Variants in RGL1 observed in about 807,000 individuals in gnomAD.
RGL1 encodes ral guanine nucleotide dissociation stimulator like 1.
Under a neutral mutation model 95.2 loss-of-function variants are expected in RGL1, and 24 were observed. The observed-to-expected ratio is 0.25, with a 90% confidence interval of 0.18 to 0.35. The LOEUF (loss-of-function observed/expected upper bound fraction) is 0.35, where lower values mean the gene tolerates loss of function less well. RGL1 is among the 10% of genes least tolerant of loss of function. The pLI is 1.00. For missense variants in RGL1, 715 were observed against 936.3 expected (o/e 0.76, Z 3.08); for synonymous variants, 329 against 344.9 (o/e 0.95, Z 0.51).
At chr1:183,739,083 G>A (rs892279663) in intron 1 of RGL1, among the ~76,000 whole-genome samples, 4 of 152,212 alleles carry the variant, frequency 2.6e-5, no homozygotes, top group African/African-American at 9.6e-5. Flanking sequence ...ATTAAACCAA[G>A]CATGAGGCTC....
In RGL1 at chr1:183,880,675, C is replaced by T. The variant is rs757558437; in HGVS notation, c.485C>T (p.Pro162Leu). The change falls in exon 5 of 18, where the codon CCC (proline) becomes CTC (leucine). Residue 162 changes from proline to leucine, a missense_variant. Pro to Leu is a moderately conservative substitution (Grantham distance 98). Around this residue, in one of 3 missense-constraint regions of RGL1, gnomAD observed 381 missense variants for 484.8 expected, o/e 0.79. Coordinates refer to ENST00000360851, the MANE Select transcript of RGL1 (RefSeq NM_001297671.3). ...CAGTGTGCAGAAGACTTCCGAGAGC[C>T]CCCTCACTTCCCTTGCTTACAGAAA... ...LDQCAEDFRE[P>L]PHFPCLQKLL... is the part of the protein sequence containing the mutation. 2.5e-6 allele frequency: 4 copies of T among 1,613,932 alleles called. No individual in the cohort carries two copies. The South Asian group carries it at 4.4e-5, about 18-fold the overall frequency.
At chr1:183,824,071 A>T (rs1662683009) in intron 2 of RGL1, among the ~76,000 whole-genome samples, 1 of 150,882 alleles carries the variant, frequency 6.6e-6, no homozygotes, top group South Asian at 2.1e-4. Flanking sequence ...TATGGGCATG[A>T]GCCACTATAC....
At chr1:183,872,310 TC>T in intron 4 of RGL1, among the ~76,000 whole-genome samples, 2 of 152,318 alleles carry the variant, frequency 1.3e-5, no homozygotes, top group Admixed American at 1.3e-4. Context: ...GATGGCCATA[TC>T]TCCCTCTCTC....
At chr1:183,865,415 A>C (rs144572514) in intron 3 of RGL1, among the ~76,000 whole-genome samples, 23 of 152,346 alleles carry the variant, frequency 1.5e-4, no homozygotes, top group African/African-American at 4.8e-4. Flanking sequence ...TTGCTAAGAC[A>C]TGAGAGCTTC....
Position 183,927,885 on chromosome 1 carries a change from T to C in RGL1, c.*1593T>C, listed in dbSNP as rs1325905339. ...GGGATTTGCGTTGCATAAATAGCCATGTGAATTCCACAAGAAGCACCAGGG... is the reference window on the plus strand; with the variant it reads ...GGGATTTGCGTTGCATAAATAGCCACGTGAATTCCACAAGAAGCACCAGGG... On this transcript the variant is annotated 3_prime_UTR_variant, in exon 18 of 18. Coordinates refer to ENST00000360851, the MANE Select transcript of RGL1 (RefSeq NM_001297671.3). The C allele has an allele frequency of 1.3e-5, 2 of 152,544 alleles. No homozygotes were observed. Among genetic ancestry groups the C allele is most frequent in the African/African-American group, 4.8e-5 (2 of 41,422 alleles). 9.4% of individuals were successfully genotyped at this position (152,544 alleles called of 1,614,324 possible).
chr1:183,885,397 T>C lies in RGL1; in HGVS notation c.951+459T>C, dbSNP rs114858800. Among the ~76,000 whole-genome samples, 607 of 152,366 alleles carry C rather than the reference T, an allele frequency of 4.0e-3. 3 individuals are homozygous for C. The highest frequency in any genetic ancestry group is 5.4e-3 in the Non-Finnish European group (369 of 68,042). On this transcript the variant is annotated intron_variant, in intron 7 of 17. Coordinates refer to ENST00000360851, the MANE Select transcript of RGL1 (RefSeq NM_001297671.3). ...TCTGCAGTTTTGAAGAGCTGGTACT[T>C]CTTCAGAGTCCTGAATCTCTTTTCT...
intron 2 of RGL1, among the ~76,000 whole-genome samples, chr1:183,795,224 T>G (rs957814295): frequency 2.0e-5 from 3 of 152,212 alleles, no homozygotes; most frequent in Admixed American, 6.5e-5. Flanking sequence ...TTATTGAGCA[T>G]CTGCTATGTG....
chr1:183,912,366 A>G lies in RGL1; in HGVS notation c.1749+98A>G, dbSNP rs894339772. The G allele has an allele frequency of 7.0e-6, 7 of 997,224 alleles. No homozygotes were observed. In the South Asian group the frequency reaches 8.8e-5, roughly 13 times the overall value. 61.8% of individuals were successfully genotyped at this position (997,224 alleles called of 1,614,324 possible). A position where few individuals can be genotyped will look rare whatever the true frequency, so the allele number is the denominator to read the frequency against. ...TGTCTGTTTTTAAGTGGATCACTCT[A>G]TAGTATTTTGAAAGTCATGTTTTGA... is the stretch of plus-strand genomic sequence containing the variant. On this transcript the variant is annotated intron_variant, in intron 15 of 17. Transcript: ENST00000360851.
chr1:183,716,927 A>C (rs1343382029), intron 1 of RGL1, among the ~76,000 whole-genome samples: 3 of 152,204 alleles, frequency 2.0e-5, no homozygotes, highest in Non-Finnish European at 4.4e-5. Context: ...GTAGGACTTA[A>C]TACTGGCAAA....
At chr1:183,877,115 G>A (rs1666539887) in intron 4 of RGL1, among the ~76,000 whole-genome samples, 1 of 152,166 alleles carries the variant, frequency 6.6e-6, no homozygotes, top group South Asian at 2.1e-4. Context: ...TCCCCGGTGG[G>A]ACAGCCAGGA....
chr1:183,739,566 G>A (rs1657157616), intron 1 of RGL1, among the ~76,000 whole-genome samples: 1 of 152,202 alleles, frequency 6.6e-6, no homozygotes, highest in South Asian at 2.1e-4. Context: ...ACTGTGGCTG[G>A]TATGCAGTGG....
intron 2 of RGL1, among the ~76,000 whole-genome samples, chr1:183,809,141 TATGTAGC>T (rs1179598158): frequency 2.6e-5 from 4 of 152,244 alleles, no homozygotes; most frequent in African/African-American, 9.6e-5. Context: ...CGTATGAGGT[TATGTAGC>T]ATGTGAGGAT....
chr1:183,840,956 A>G (rs941421103), intron 2 of RGL1, among the ~76,000 whole-genome samples: 2 of 127,456 alleles, frequency 1.6e-5, no homozygotes, highest in Non-Finnish European at 3.3e-5. Flanking sequence ...CTTTTCTGAC[A>G]CCTCCTTTAC....
rs1329670416 is a variant in RGL1, at chr1:183,869,737, GCTTTGT to G, written c.425+3677_425+3682del. 5.9e-5 allele frequency among the ~76,000 whole-genome samples: 9 copies of G among 152,178 alleles called. No homozygotes were observed. In the South Asian group the frequency reaches 1.5e-3, roughly 25 times the overall value. ...ATTTCTGTGCCTAGATAGGGTCACT[GCTTTGT>G]CTTTGTCTTTGTGAGAGGAAATCAG... On this transcript the variant is annotated intron_variant, in intron 4 of 17. Transcript: ENST00000360851.
At chr1:183,794,720 G>A (rs1660609927) in intron 2 of RGL1, among the ~76,000 whole-genome samples, 2 of 152,130 alleles carry the variant, frequency 1.3e-5, no homozygotes, top group African/African-American at 4.8e-5. Context: ...CATGCCATTT[G>A]GAAGACTCCT....
intron 2 of RGL1, among the ~76,000 whole-genome samples, chr1:183,820,511 A>G (rs1477271473): frequency 1.3e-5 from 2 of 152,140 alleles, no homozygotes. Flanking sequence ...GGCATGTGAC[A>G]AACGTGCAGT....
At position 183,874,510 on chromosome 1, in the gene RGL1, G is replaced by A. The variant is rs192798907; in HGVS notation, c.426-6106G>A. Among the ~76,000 whole-genome samples, 1,138 of 146,716 alleles carry A rather than the reference G, an allele frequency of 7.8e-3. 6 individuals are homozygous for A. The highest frequency in any genetic ancestry group is 0.012 in the Admixed American group (181 of 14,724). Reference sequence around the variant, plus strand: ...TTTCTTCCTCCTTCTTGCCGTGGAGGTTTTTTTTTTTCTCTTCTCTCCCTT... The same window carrying A: ...TTTCTTCCTCCTTCTTGCCGTGGAGATTTTTTTTTTTCTCTTCTCTCCCTT... On this transcript the variant is annotated intron_variant, in intron 4 of 17. Coordinates refer to ENST00000360851, the MANE Select transcript of RGL1 (RefSeq NM_001297671.3).
chr1:183,770,528 C>T (rs1025322079), intron 2 of RGL1, among the ~76,000 whole-genome samples: 1 of 152,160 alleles, frequency 6.6e-6, no homozygotes, highest in East Asian at 1.9e-4. Context: ...GGGAAGAAGG[C>T]TTTAATTGGG....
At chr1:183,731,473 A>G (rs1343060422) in intron 1 of RGL1, among the ~76,000 whole-genome samples, 1 of 152,204 alleles carries the variant, frequency 6.6e-6, no homozygotes, top group Non-Finnish European at 1.5e-5. Flanking sequence ...CAGCTTTGGT[A>G]GAAAAGGTAG....
Sources: gnomAD v4.1 joint callset for allele counts (sites outside exome capture counted in the v4.1 genomes callset) on GRCh38, gnomAD v4.1.1 for gene constraint, gnomAD v4.1.1 regional missense constraint, MANE v1.5 for transcripts, NCBI Gene and HGNC (gene_info 2026-07-23, HGNC 2026-07-21) for gene names.